Variants in PTPRD observed in about 807,000 individuals in gnomAD.
The protein encoded by PTPRD is protein tyrosine phosphatase receptor type D, also known as receptor-type tyrosine-protein phosphatase delta.
PTPRD carries 34 observed loss-of-function variants against 214.5 expected under a neutral mutation model. The ratio of observed to expected loss-of-function variants is 0.16; its 90% CI spans 0.12 to 0.21. The LOEUF (loss-of-function observed/expected upper bound fraction) is 0.21. PTPRD is among the 10% of genes least tolerant of loss of function. The pLI, the probability that PTPRD is intolerant of heterozygous loss-of-function variation, is 1.00. For synonymous variants in PTPRD, 1,128 were observed against 845.7 expected, an observed-to-expected ratio of 1.33 and a Z score of -5.79; for missense variants, 2,545 against 2,398.7, an observed-to-expected ratio of 1.06 and a Z score of -1.27.
intron 2 of PTPRD, among the ~76,000 whole-genome samples, chr9:10,415,721 C>T (rs1351202511): frequency 2.0e-5 from 3 of 151,812 alleles, no homozygotes; most frequent in Non-Finnish European, 4.4e-5. Context: ...ATATGTAAAT[C>T]TTAATTCCCC....
At chr9:8,567,653 T>G (rs2089785022) in intron 14 of PTPRD, among the ~76,000 whole-genome samples, 1 of 152,234 alleles carries the variant, frequency 6.6e-6, no homozygotes, top group Admixed American at 6.5e-5. Flanking sequence ...TTCTAGACTG[T>G]GTGCTCTTTG....
At chr9:9,927,187 T>C (rs1036722675) in intron 5 of PTPRD, among the ~76,000 whole-genome samples, 2 of 152,162 alleles carry the variant, frequency 1.3e-5, no homozygotes, top group South Asian at 2.1e-4. Flanking sequence ...TTTCTACTTG[T>C]GATTTCACTG....
At chr9:10,134,973 G>A (rs531410118) in intron 3 of PTPRD, among the ~76,000 whole-genome samples, 53 of 152,138 alleles carry the variant, frequency 3.5e-4, no homozygotes, top group South Asian at 2.3e-3. Context: ...CCAATCAAAC[G>A]AATCCAGGAA....
intron 9 of PTPRD, among the ~76,000 whole-genome samples, chr9:9,205,824 A>T (rs759361626): frequency 5.3e-5 from 8 of 152,198 alleles, no homozygotes; most frequent in Non-Finnish European, 8.8e-5. Context: ...GCAGCAGTTA[A>T]CTTAATAATG....
At chr9:8,516,921 C>A (rs2097791323) in intron 21 of PTPRD, among the ~76,000 whole-genome samples, 1 of 149,832 alleles carries the variant, frequency 6.7e-6, no homozygotes, top group Non-Finnish European at 1.5e-5. Flanking sequence ...AAGTGATTCT[C>A]CTGCCTCAGC....
At chr9:8,852,156 G>C (rs2097830226) in intron 11 of PTPRD, among the ~76,000 whole-genome samples, 1 of 152,174 alleles carries the variant, frequency 6.6e-6, no homozygotes, top group South Asian at 2.1e-4. Context: ...CCCCAAAGCA[G>C]TACTGAGAAA....
chr9:8,561,036 A>G (rs765880999), intron 14 of PTPRD, among the ~76,000 whole-genome samples: 4 of 152,172 alleles, frequency 2.6e-5, no homozygotes, highest in Non-Finnish European at 5.9e-5. Context: ...TCCAAACTGA[A>G]GACAGTTTAA....
intron 35 of PTPRD, among the ~76,000 whole-genome samples, chr9:8,420,803 CTTTT>C (rs3835267): frequency 2.7e-5 from 3 of 111,456 alleles, no homozygotes; most frequent in Admixed American, 1.0e-4. Flanking sequence ...GATCATTTTT[CTTTT>C]TTTTTTTTTT....
intron 8 of PTPRD, among the ~76,000 whole-genome samples, chr9:9,466,737 T>C (rs1278354043): frequency 6.6e-6 from 1 of 152,174 alleles, no homozygotes; most frequent in African/African-American, 2.4e-5. Flanking sequence ...TCCATATCTA[T>C]TTTTTCCTGG....
chr9:10,353,923 A>C (rs2097223236), intron 2 of PTPRD, among the ~76,000 whole-genome samples: 1 of 152,100 alleles, frequency 6.6e-6, no homozygotes, highest in Admixed American at 6.5e-5. Context: ...GAATTCACCC[A>C]TAAAAAAATC....
At chr9:9,795,073 G>A (rs1746797) in intron 5 of PTPRD, among the ~76,000 whole-genome samples, 88,286 of 152,096 alleles carry the variant, frequency 0.58, 28,288 homozygotes, top group African/African-American at 0.86. Context: ...GAGCCCTTGC[G>A]TGGGCTTCAC....
chr9:9,035,510 C>A (rs1301684035), intron 10 of PTPRD, among the ~76,000 whole-genome samples: 2 of 152,040 alleles, frequency 1.3e-5, no homozygotes, highest in African/African-American at 4.8e-5. Context: ...TTGCGCCATG[C>A]TCCAAGTTAT....
chr9:8,842,000 GAC>G (rs1381591029), intron 11 of PTPRD, among the ~76,000 whole-genome samples: 5 of 107,632 alleles, frequency 4.6e-5, no homozygotes, highest in African/African-American at 1.7e-4. Flanking sequence ...AATAGAGCGA[GAC>G]ACAGTCTCAA....
rs377725194 is a variant in PTPRD, at chr9:9,217,857, G to A, written c.-202-34494C>T. On this transcript the variant is annotated intron_variant, in intron 9 of 45. Transcript: ENST00000381196. ...TTTTCTGATAAAGTATTTCAGAAGCGGCTTCCTTTTTGAAGCCTTCTTGGT... is the reference window on the plus strand; with the variant it reads ...TTTTCTGATAAAGTATTTCAGAAGCAGCTTCCTTTTTGAAGCCTTCTTGGT... Among the ~76,000 whole-genome samples the A allele has an allele frequency of 4.6e-5, 7 of 152,108 alleles. No individual in the cohort carries two copies. The East Asian group carries it at 5.8e-4, about 13-fold the overall frequency.
At chr9:8,952,716 G>T (rs747363996) in intron 11 of PTPRD, among the ~76,000 whole-genome samples, 4 of 151,784 alleles carry the variant, frequency 2.6e-5, no homozygotes, top group Non-Finnish European at 5.9e-5. Flanking sequence ...GCTCTTAACG[G>T]TATTGAAAAA....
At chr9:10,503,429 C>T (rs1212331469) in intron 2 of PTPRD, among the ~76,000 whole-genome samples, 2 of 151,686 alleles carry the variant, frequency 1.3e-5, no homozygotes, top group Non-Finnish European at 2.9e-5. Context: ...GAATAATATC[C>T]AAATAATCAA....
intron 10 of PTPRD, among the ~76,000 whole-genome samples, chr9:9,165,990 C>T (rs139843506): frequency 1.7e-3 from 252 of 152,152 alleles, no homozygotes; most frequent in African/African-American, 5.7e-3. Context: ...TAGCTCTTAT[C>T]CTGTCCCAAA....
intron 8 of PTPRD, among the ~76,000 whole-genome samples, chr9:9,452,613 C>A (rs758104450): frequency 1.1e-4 from 17 of 151,112 alleles, no homozygotes; most frequent in Non-Finnish European, 2.4e-4. Flanking sequence ...CATCTTTATA[C>A]AATTATCACT....
At chr9:9,684,793 T>G (rs554338150) in intron 7 of PTPRD, among the ~76,000 whole-genome samples, 1 of 151,716 alleles carries the variant, frequency 6.6e-6, no homozygotes, top group East Asian at 1.9e-4. Context: ...GTTTGCGGTC[T>G]TTAGAGCAGT....
Sources: gnomAD v4.1 joint callset for allele counts (sites outside exome capture counted in the v4.1 genomes callset) on GRCh38, gnomAD v4.1.1 for gene constraint, MANE v1.5 for transcripts, NCBI Gene and HGNC (gene_info 2026-07-23, HGNC 2026-07-21) for gene names.